The following BIRC6 variants were observed in gnomAD, a reference collection of about 807,000 sequenced individuals.
BIRC6 encodes the protein baculoviral IAP repeat containing 6.
In BIRC6, 98 loss-of-function variants were observed where a neutral mutation model predicts 503.3. That is an observed-to-expected ratio of 0.19 (90% CI 0.17 to 0.23). BIRC6 has a LOEUF of 0.23. Ranked by LOEUF, BIRC6 falls within the 10% of genes least tolerant of loss-of-function variation. The pLI is 1.00. For missense variants in BIRC6, 5,360 were observed against 5,806.0 expected, an observed-to-expected ratio of 0.92 and a Z score of 2.50; for synonymous variants, 2,240 against 2,078.7, an observed-to-expected ratio of 1.08 and a Z score of -2.11.
At position 32,501,792 on chromosome 2, in the gene BIRC6, T is replaced by A. The variant is rs1421797636; in HGVS notation, c.9111T>A (p.Phe3037Leu). The change falls in exon 47 of 74, where the codon TTT becomes TTA. Residue 3037 changes from phenylalanine to leucine, a missense_variant. Transcript: ENST00000421745. ...LDAISVGDGLFTILTTLSKKA... is the reference protein window; with the variant it reads ...LDAISVGDGLLTILTTLSKKA... Reference sequence around the variant, plus strand: ...CCATATCAGTTGGGGATGGATTATTTACCATACTGACAACCCTTAGTAAAA... The same window carrying A: ...CCATATCAGTTGGGGATGGATTATTAACCATACTGACAACCCTTAGTAAAA... 3.4e-5 allele frequency: 55 copies of A among 1,613,912 alleles called. No individual in the cohort carries two copies. The highest frequency in any genetic ancestry group is 4.6e-5 in the Non-Finnish European group (54 of 1,179,822).
In BIRC6 at chr2:32,505,059, C is replaced by T. The variant is rs781100853; in HGVS notation, c.9554C>T (p.Ala3185Val). The change falls in exon 50 of 74, where the codon GCC (alanine) becomes GTC (valine). Residue 3185 changes from alanine (A) to valine (V), a missense_variant. Ala to Val is a moderately conservative substitution (Grantham distance 64). Transcript: ENST00000421745. ...TAQPAEVLLQ[A>V]TPPHRRARSA... ...CAACCAGCTGAAGTGCTATTGCAGGCCACACCTCCTCACAGAAGAGCTCGC... is the reference window on the plus strand; with the variant it reads ...CAACCAGCTGAAGTGCTATTGCAGGTCACACCTCCTCACAGAAGAGCTCGC... 2.5e-6 allele frequency: 4 copies of T among 1,613,782 alleles called. No individual in the cohort carries two copies. The highest frequency in any genetic ancestry group is 3.4e-6 in the Non-Finnish European group (4 of 1,179,788).
chr2:32,425,356 A>G (rs1239746842), intron 10 of BIRC6, among the ~76,000 whole-genome samples: 4 of 151,506 alleles, frequency 2.6e-5, no homozygotes, highest in Non-Finnish European at 2.9e-5. Flanking sequence ...CTAATTGGCT[A>G]TATAAAGAGA....
intron 32 of BIRC6, 30 bp from the exon 33 acceptor site, chr2:32,473,082 T>C: frequency 6.6e-7 from 1 of 1,526,338 alleles, no homozygotes; most frequent in South Asian, 1.3e-5. Flanking sequence ...TTTAACAGAA[T>C]TATTAATACA....
intron 60 of BIRC6, 106 bp from the exon 61 acceptor site, chr2:32,531,249 T>A (rs2056728056): frequency 7.4e-6 from 7 of 949,998 alleles, no homozygotes; most frequent in Non-Finnish European, 1.1e-5. Flanking sequence ...TTTTGTGCTC[T>A]TTTTTGAGTA....
chr2:32,430,803 T>G (rs2044010066), intron 11 of BIRC6, 62 bp from the exon 12 acceptor site: 6 of 1,102,212 alleles, frequency 5.4e-6, no homozygotes, highest in South Asian at 2.9e-5. Flanking sequence ...CTTCATTGTC[T>G]TCTTTTTTTT....
At position 32,549,385 on chromosome 2, in the gene BIRC6, G is replaced by A. The variant is rs759724455; in HGVS notation, c.13048G>A (p.Gly4350Arg). 6 of 1,518,930 alleles carry A rather than the reference G, an allele frequency of 4.0e-6. No individual in the cohort carries two copies. The Admixed American group carries it at 1.0e-4, about 26-fold the overall frequency. 94.1% of individuals were successfully genotyped at this position (1,518,930 alleles called of 1,614,324 possible). Residue 4350 changes from glycine (G) to arginine (R), a missense_variant, in exon 65 of 74, where the codon GGG becomes AGG. By Grantham distance (125) the Gly-to-Arg change is moderately radical. Around this residue, in one of 16 missense-constraint regions of BIRC6, gnomAD observed 477 missense variants for 574.4 expected, o/e 0.83. Coordinates refer to ENST00000421745, the MANE Select transcript of BIRC6 (RefSeq NM_016252.4). Reference protein sequence around the residue: ...GEAQSSHETRGQNSNALPSVL... With the variant: ...GEAQSSHETRRQNSNALPSVL... ...AGCTCAGTCATCTCATGAGACTAGAGGGCAGAACAGTAATGCCCTTCCTTC... is the reference window on the plus strand; with the variant it reads ...AGCTCAGTCATCTCATGAGACTAGAAGGCAGAACAGTAATGCCCTTCCTTC...
intron 53 of BIRC6, 46 bp from the exon 54 acceptor site, chr2:32,512,887 A>G (rs375671264): frequency 4.6e-5 from 69 of 1,490,646 alleles, no homozygotes; most frequent in African/African-American, 5.5e-5. Context: ...TGAAATGCCA[A>G]TTGCACTATA....
intron 10 of BIRC6, among the ~76,000 whole-genome samples, chr2:32,425,921 A>G (rs2043439024): frequency 6.6e-6 from 1 of 152,134 alleles, no homozygotes; most frequent in Admixed American, 6.5e-5. Context: ...ACTTTCCCCC[A>G]CAGCTGTGTC....
At chr2:32,554,719 A>C (rs2058660163) in intron 65 of BIRC6, among the ~76,000 whole-genome samples, 1 of 152,100 alleles carries the variant, frequency 6.6e-6, no homozygotes, top group African/African-American at 2.4e-5. Flanking sequence ...GATTTTTCTC[A>C]CAGTGTATTT....
chr2:32,534,374 C>CA (rs200134446), intron 61 of BIRC6, among the ~76,000 whole-genome samples: 39,359 of 92,332 alleles, frequency 0.43, 6,714 homozygotes, highest in Middle Eastern at 0.51. Flanking sequence ...AATTCCATCT[C>CA]AAAAAAAAAA....
chr2:32,529,554 A>G (rs2056563197), intron 59 of BIRC6, 97 bp from the exon 60 acceptor site: 1 of 1,169,728 alleles, frequency 8.5e-7, no homozygotes, highest in African/African-American at 1.6e-5. Context: ...TTTCAGAATC[A>G]AACTCTTGCC....
At chr2:32,453,149 T>G (rs1360529837) in intron 22 of BIRC6, among the ~76,000 whole-genome samples, 1 of 152,150 alleles carries the variant, frequency 6.6e-6, no homozygotes, top group Admixed American at 6.5e-5. Flanking sequence ...TGTGAATTCA[T>G]TTGTGTTCTT....
intron 44 of BIRC6, among the ~76,000 whole-genome samples, chr2:32,493,244 GTATT>G (rs879794339): frequency 1.3e-5 from 2 of 151,900 alleles, no homozygotes; most frequent in African/African-American, 2.4e-5. Flanking sequence ...CATTATAAAA[GTATT>G]TATTGTGTAA....
intron 15 of BIRC6, 31 bp from the exon 16 acceptor site, chr2:32,439,477 T>A: frequency 6.3e-7 from 1 of 1,585,476 alleles, no homozygotes. Context: ...GGTGATTCAG[T>A]TATTTTCCCC....
intron 1 of BIRC6, among the ~76,000 whole-genome samples, chr2:32,364,191 G>T (rs991801400): frequency 6.6e-6 from 1 of 152,154 alleles, no homozygotes; most frequent in African/African-American, 2.4e-5. Flanking sequence ...TTCAGTTTCC[G>T]AAGTGAATTC....
chr2:32,473,706 C>CGTGTGT (rs70938348), intron 33 of BIRC6, among the ~76,000 whole-genome samples: 1,496 of 72,680 alleles, frequency 0.021, 46 homozygotes, highest in East Asian at 0.052. Flanking sequence ...TCTCCTTTTT[C>CGTGTGT]GTGTGTGTGT....
At chr2:32,540,215 A>T (rs1029516486) in intron 61 of BIRC6, among the ~76,000 whole-genome samples, 1 of 152,014 alleles carries the variant, frequency 6.6e-6, no homozygotes, top group Non-Finnish European at 1.5e-5. Context: ...TGTTTCTCCA[A>T]TTTAAACTGA....
At chr2:32,362,108 A>C (rs1387673489) in intron 1 of BIRC6, among the ~76,000 whole-genome samples, 4 of 152,228 alleles carry the variant, frequency 2.6e-5, no homozygotes, top group Non-Finnish European at 5.9e-5. Context: ...AGAAACTGAC[A>C]GACTCTTAGT....
chr2:32,484,093 T>G (rs2050714517), intron 39 of BIRC6, among the ~76,000 whole-genome samples: 1 of 152,118 alleles, frequency 6.6e-6, no homozygotes, highest in Admixed American at 6.6e-5. Context: ...ACCAGGCTGT[T>G]CTCAAACTCC....
Sources: gnomAD v4.1 joint callset for allele counts (sites outside exome capture counted in the v4.1 genomes callset) on GRCh38, gnomAD v4.1.1 for gene constraint, gnomAD v4.1.1 regional missense constraint, MANE v1.5 for transcripts, NCBI Gene and HGNC (gene_info 2026-07-23, HGNC 2026-07-21) for gene names.